MCPH1: variants seen among roughly 807,000 people sequenced by gnomAD.
The protein encoded by MCPH1 is microcephalin 1, also known as microcephalin.
Under a neutral mutation model 84.5 loss-of-function variants are expected in MCPH1, and 104 were observed. That is an observed-to-expected ratio of 1.23 (90% confidence interval 1.05 to 1.45). The LOEUF (loss-of-function observed/expected upper bound fraction) is 1.45. Ranked by LOEUF, MCPH1 falls within the 40% of genes most tolerant of loss-of-function variation. The pLI is 0.00. For synonymous variants in MCPH1, 514 were observed against 366.8 expected (o/e 1.40, Z -4.58); for missense variants, 1,498 against 1,005.7 (o/e 1.49, Z -6.62).
chr8:6,626,469 G>GTTTTT (rs1181554445), intron 13 of MCPH1: 18 of 827,178 alleles, frequency 2.2e-5, no homozygotes, highest in African/African-American at 7.4e-5. Flanking sequence ...TGGTTTTTTT[G>GTTTTT]TTTTGTTTTT....
chr8:6,547,123 G>T (rs2129574547), intron 12 of MCPH1, among the ~76,000 whole-genome samples: 1 of 151,538 alleles, frequency 6.6e-6, no homozygotes, highest in Middle Eastern at 3.4e-3. Flanking sequence ...CAAAACTCAT[G>T]TGGCCTATTT....
chr8:6,474,211 C>G (rs1808138954), intron 9 of MCPH1: 1 of 684,644 alleles, frequency 1.5e-6, no homozygotes, highest in Non-Finnish European at 2.7e-6. Flanking sequence ...GACAATTATA[C>G]TCTTCATCAT....
At chr8:6,497,363 C>T (rs928534215) in intron 11 of MCPH1, among the ~76,000 whole-genome samples, 1 of 151,974 alleles carries the variant, frequency 6.6e-6, no homozygotes, top group Non-Finnish European at 1.5e-5. Flanking sequence ...ATTAACCAGG[C>T]ATTGTGATGT....
intron 11 of MCPH1, among the ~76,000 whole-genome samples, chr8:6,496,567 C>T (rs957360437): frequency 2.6e-5 from 4 of 151,178 alleles, no homozygotes; most frequent in African/African-American, 9.8e-5. Context: ...TACATTCCCA[C>T]AGGTATTCTT....
chr8:6,489,242 A>G lies in MCPH1; in HGVS notation c.2136+8366A>G, dbSNP rs74799395. On this transcript the variant is annotated intron_variant, in intron 11 of 13. Coordinates refer to ENST00000344683, the MANE Select transcript of MCPH1 (RefSeq NM_024596.5). ...CCATGGTACCTGGAAGGGAGTGTGA[A>G]TGAAGAAATGAAGAAAACAGTGAGT... 6.2e-3 allele frequency among the ~76,000 whole-genome samples: 944 copies of G among 152,218 alleles called. 13 individuals carry two copies. The highest frequency in any genetic ancestry group is 0.022 in the African/African-American group (908 of 41,518).
At chr8:6,406,710 T>C in intron 1 of MCPH1, 21 bp downstream of exon 1, 7 of 1,611,330 alleles carry the variant, frequency 4.3e-6, no homozygotes, top group South Asian at 2.2e-5. Flanking sequence ...TCCTGCTGCC[T>C]GCTCCAGCAG....
In MCPH1 at chr8:6,433,612, G is replaced by T. The variant is rs192496659; in HGVS notation, c.321+2026G>T. ...CATGCCACTGCACTCCAGCCTGGGC[G>T]ACAGCAAGGCTCTGTCTCAAAAAAA... On this transcript the variant is annotated intron_variant, in intron 4 of 13. Coordinates refer to ENST00000344683, the MANE Select transcript of MCPH1 (RefSeq NM_024596.5). Among the ~76,000 whole-genome samples the T allele has an allele frequency of 3.9e-4, 46 of 117,432 alleles. No individual in the cohort carries two copies. The East Asian group carries it at 0.011, about 29-fold the overall frequency. 77.0% of individuals were successfully genotyped at this position (117,432 alleles called of 152,430 possible).
intron 12 of MCPH1, among the ~76,000 whole-genome samples, chr8:6,608,490 C>CT (rs968142049): frequency 9.9e-5 from 15 of 152,164 alleles, no homozygotes; most frequent in African/African-American, 3.6e-4. Context: ...CTCAGGGACT[C>CT]TGTTTTCTTC....
intron 3 of MCPH1, among the ~76,000 whole-genome samples, chr8:6,424,999 A>G (rs1000609719): frequency 3.3e-5 from 5 of 152,240 alleles, no homozygotes; most frequent in African/African-American, 7.2e-5. Flanking sequence ...AGAGAATAAG[A>G]TACTGGTGCT....
intron 13 of MCPH1, among the ~76,000 whole-genome samples, chr8:6,638,027 C>T (rs141503874): frequency 6.6e-5 from 10 of 152,136 alleles, no homozygotes; most frequent in African/African-American, 1.9e-4. Context: ...GGGAGAAGCA[C>T]GGAAGGAGCA....
intron 12 of MCPH1, among the ~76,000 whole-genome samples, chr8:6,523,675 C>T (rs1476050995): frequency 6.6e-6 from 1 of 152,122 alleles, no homozygotes; most frequent in Non-Finnish European, 1.5e-5. Flanking sequence ...CTGCAACCTC[C>T]GCCTCCCGGA....
intron 13 of MCPH1, among the ~76,000 whole-genome samples, chr8:6,628,853 T>C (rs1465764227): frequency 6.6e-6 from 1 of 152,242 alleles, no homozygotes; most frequent in Non-Finnish European, 1.5e-5. Context: ...TTTTAGGCTG[T>C]CTTTGCTTAC....
intron 3 of MCPH1, among the ~76,000 whole-genome samples, chr8:6,422,403 C>T (rs1424400798): frequency 6.6e-6 from 1 of 152,000 alleles, no homozygotes; most frequent in African/African-American, 2.4e-5. Flanking sequence ...AAACAGAGAC[C>T]TTTACTAGAA....
At chr8:6,463,350 A>T (rs567629432) in intron 9 of MCPH1, among the ~76,000 whole-genome samples, 41 of 152,310 alleles carry the variant, frequency 2.7e-4, no homozygotes, top group African/African-American at 8.7e-4. Context: ...GATCTTTGTG[A>T]GCTGCGATAG....
chr8:6,547,713 G>T (rs563238332), intron 12 of MCPH1, among the ~76,000 whole-genome samples: 52 of 152,096 alleles, frequency 3.4e-4, no homozygotes, highest in African/African-American at 1.2e-3. Context: ...CAGCAACACT[G>T]GTTCACACAA....
intron 12 of MCPH1, chr8:6,616,549 A>G (rs1218326085): frequency 2.0e-5 from 3 of 152,224 alleles, no homozygotes; most frequent in Non-Finnish European, 2.9e-5. Context: ...GGCAAAGCTA[A>G]TGTCCCTTCG....
chr8:6,470,364 A>T (rs1807558039), intron 9 of MCPH1, among the ~76,000 whole-genome samples: 1 of 152,100 alleles, frequency 6.6e-6, no homozygotes, highest in Admixed American at 6.5e-5. Context: ...GCTCACTGCA[A>T]CTTCCGTCTC....
At chr8:6,566,840 G>A (rs1826205234) in intron 12 of MCPH1, among the ~76,000 whole-genome samples, 1 of 141,314 alleles carries the variant, frequency 7.1e-6, no homozygotes, top group Non-Finnish European at 1.5e-5. Context: ...GAGTGCACAC[G>A]GTGCGGTGAC....
At position 6,414,787 on chromosome 8, in the gene MCPH1, A is replaced by T; in HGVS notation, c.137A>T (p.Gln46Leu). The T allele has an allele frequency of 6.2e-7, 1 of 1,613,928 alleles. No individual in the cohort carries two copies. The highest frequency in any genetic ancestry group is 8.5e-7 in the Non-Finnish European group (1 of 1,179,894). Residue 46 changes from glutamine to leucine, a missense_variant, in exon 3 of 14, where the codon CAA becomes CTA. Physicochemically the swap from Gln to Leu is moderately radical, Grantham distance 113. Transcript: ENST00000344683. ...CAGGTTTCAAAAACTTTTAACAAAC[A>T]AGTAACTCACGTTATCTTCAAAGAT... is the stretch of plus-strand genomic sequence containing the variant. Reference protein sequence around the residue: ...GAKVSKTFNKQVTHVIFKDGY... With the variant: ...GAKVSKTFNKLVTHVIFKDGY...
Sources: allele counts gnomAD v4.1 joint callset (sites outside exome capture counted in the v4.1 genomes callset), GRCh38; gene constraint gnomAD v4.1.1; transcripts MANE v1.5; gene names NCBI Gene and HGNC (gene_info 2026-07-23, HGNC 2026-07-21).